CAMK4: variants seen among roughly 807,000 people sequenced by gnomAD.
CAMK4 encodes the protein calcium/calmodulin-dependent protein kinase type IV.
Under a neutral mutation model 44.9 loss-of-function variants are expected in CAMK4, and 22 were observed. That is an observed-to-expected ratio of 0.49 (90% CI 0.35 to 0.70). CAMK4 has a LOEUF of 0.70. Among genes scored for constraint, CAMK4 ranks in the 30% least tolerant of loss-of-function variants. CAMK4 has a pLI of 0.01. For synonymous variants in CAMK4, 218 were observed against 215.4 expected (o/e 1.01, Z -0.11); for missense variants, 498 against 586.8 (o/e 0.85, Z 1.56).
chr5:111,259,352 C>G (rs1239065757), intron 1 of CAMK4, among the ~76,000 whole-genome samples: 2 of 152,040 alleles, frequency 1.3e-5, no homozygotes, highest in Non-Finnish European at 2.9e-5. Flanking sequence ...AAAGTTGTAG[C>G]AATGATAAAA....
At chr5:111,299,724 A>G (rs545541034) in intron 1 of CAMK4, among the ~76,000 whole-genome samples, 1 of 152,332 alleles carries the variant, frequency 6.6e-6, no homozygotes, top group East Asian at 1.9e-4. Context: ...ATTCGTAGCT[A>G]GTGCTTTGCT....
At chr5:111,250,793 CTTCAGTT>C (rs1210284879) in intron 1 of CAMK4, among the ~76,000 whole-genome samples, 2 of 152,106 alleles carry the variant, frequency 1.3e-5, no homozygotes. Flanking sequence ...AGCCCCTACC[CTTCAGTT>C]TTCTCATATT....
At chr5:111,225,992 T>G (rs1748171603) in intron 1 of CAMK4, among the ~76,000 whole-genome samples, 1 of 152,192 alleles carries the variant, frequency 6.6e-6, no homozygotes, top group African/African-American at 2.4e-5. Flanking sequence ...GTCCAAAACA[T>G]GCCTGTTATT....
chr5:111,331,011 A>T (rs751234475), intron 1 of CAMK4, among the ~76,000 whole-genome samples: 1 of 151,814 alleles, frequency 6.6e-6, no homozygotes, highest in Non-Finnish European at 1.5e-5. Flanking sequence ...TAAAACTAGA[A>T]AACTACTAGA....
rs1024339734 is a variant in CAMK4, at chr5:111,463,745, A to C, written c.626-9566A>C. Among the ~76,000 whole-genome samples, 3 of 152,150 alleles carry C rather than the reference A, an allele frequency of 2.0e-5. No individual in the cohort carries two copies. The East Asian group carries it at 5.8e-4, about 29-fold the overall frequency. ...TGGCTAGATCCAGAAGATTAATAAC[A>C]AGCACTGCAGTTTGCCTTTCGGGAA... is the stretch of plus-strand genomic sequence containing the variant. On this transcript the variant is annotated intron_variant, in intron 7 of 10. Transcript: ENST00000282356.
At chr5:111,264,873 A>G (rs2112569151) in intron 1 of CAMK4, among the ~76,000 whole-genome samples, 1 of 152,174 alleles carries the variant, frequency 6.6e-6, no homozygotes, top group African/African-American at 2.4e-5. Context: ...GATACTAGCA[A>G]TCTGCTGATT....
At chr5:111,342,844 A>G (rs1160198118) in intron 1 of CAMK4, among the ~76,000 whole-genome samples, 1 of 151,720 alleles carries the variant, frequency 6.6e-6, no homozygotes, top group East Asian at 1.9e-4. Context: ...AGACTACCAG[A>G]CATGTAGTAT....
chr5:111,411,047 T>A (rs1752615107), intron 5 of CAMK4, among the ~76,000 whole-genome samples: 1 of 152,202 alleles, frequency 6.6e-6, no homozygotes, highest in Non-Finnish European at 1.5e-5. Context: ...TTCAAAGTTT[T>A]AATGCTTCTA....
chr5:111,370,935 C>T (rs556751647), intron 2 of CAMK4, among the ~76,000 whole-genome samples: 2 of 63,006 alleles, frequency 3.2e-5, no homozygotes, highest in African/African-American at 1.2e-4. Flanking sequence ...ACAAAAACAA[C>T]GTGTATCCTT....
intron 5 of CAMK4, among the ~76,000 whole-genome samples, chr5:111,413,391 A>G (rs1021703998): frequency 6.6e-6 from 1 of 152,080 alleles, no homozygotes; most frequent in African/African-American, 2.4e-5. Flanking sequence ...AGCCTGGCCA[A>G]TATGGTGAAA....
At chr5:111,232,325 C>T (rs997424974) in intron 1 of CAMK4, among the ~76,000 whole-genome samples, 2 of 152,026 alleles carry the variant, frequency 1.3e-5, no homozygotes, top group Admixed American at 6.6e-5. Context: ...ATCTTCATGA[C>T]AGAGTTGTGA....
At chr5:111,270,153 A>C (rs1000945027) in intron 1 of CAMK4, 1 of 152,246 alleles carries the variant, frequency 6.6e-6, no homozygotes, top group African/African-American at 2.4e-5. Context: ...GCTGGAAATC[A>C]TGATTTTCTG....
intron 6 of CAMK4, 76 bp downstream of exon 6, chr5:111,446,852 A>G (rs1425089919): frequency 1.2e-6 from 1 of 837,686 alleles, no homozygotes; most frequent in Non-Finnish European, 2.1e-6. Flanking sequence ...ATTTTTAAAT[A>G]TTGCTCCATC....
rs570951348 is a variant in CAMK4 at position 111,290,650 on chromosome 5, C to G, written c.162-53374C>G. 1.3e-5 allele frequency among the ~76,000 whole-genome samples: 2 copies of G among 152,256 alleles called. No individual in the cohort carries two copies. The highest frequency in any genetic ancestry group is 6.5e-5 in the Admixed American group (1 of 15,304). On this transcript the variant is annotated intron_variant, in intron 1 of 10. Coordinates refer to ENST00000282356, the MANE Select transcript of CAMK4 (RefSeq NM_001744.6). The surrounding 1 kb of genome is among the most constrained non-coding windows in gnomAD (Gnocchi z 4.5). The stretch of plus-strand genomic sequence containing the variant: ...GGGCACAGACAAGCACTAAAAGGCG[C>G]TAGTGTTTCCACTGGTGTTTCCACA...
At chr5:111,318,609 T>C (rs1748532575) in intron 1 of CAMK4, among the ~76,000 whole-genome samples, 1 of 152,192 alleles carries the variant, frequency 6.6e-6, no homozygotes. Flanking sequence ...TAGACAACAC[T>C]GTCCAGAAAA....
intron 5 of CAMK4, among the ~76,000 whole-genome samples, chr5:111,396,912 A>AT (rs1284651788): frequency 6.6e-6 from 1 of 152,170 alleles, no homozygotes; most frequent in African/African-American, 2.4e-5. Context: ...AAGTGCTGGA[A>AT]TTACAGGCGT....
intron 1 of CAMK4, among the ~76,000 whole-genome samples, chr5:111,330,604 C>G (rs1650783): frequency 0.45 from 68,717 of 151,268 alleles, 15,740 homozygotes; most frequent in Admixed American, 0.5. Context: ...TATAAGTAAT[C>G]TAGAGATGAT....
chr5:111,387,485 T>G (rs1751645825), intron 4 of CAMK4, among the ~76,000 whole-genome samples: 1 of 152,240 alleles, frequency 6.6e-6, no homozygotes, highest in African/African-American at 2.4e-5. Context: ...ACTCTGAGTT[T>G]CTTCCTAAAG....
At chr5:111,254,636 T>C (rs1749661096) in intron 1 of CAMK4, among the ~76,000 whole-genome samples, 3 of 152,168 alleles carry the variant, frequency 2.0e-5, no homozygotes, top group African/African-American at 7.2e-5. Flanking sequence ...TTCACAGAAA[T>C]CTTCCTGCAC....
Sources: allele counts gnomAD v4.1 joint callset (sites outside exome capture counted in the v4.1 genomes callset), GRCh38; gene constraint gnomAD v4.1.1; non-coding constraint Gnocchi (gnomAD v3.1); transcripts MANE v1.5; gene names NCBI Gene and HGNC (gene_info 2026-07-23, HGNC 2026-07-21).